Variants in SYT1 observed in about 807,000 individuals in gnomAD.
SYT1 encodes synaptotagmin-1.
Under a neutral mutation model 44.8 loss-of-function variants are expected in SYT1, and 8 were observed. The ratio of observed to expected loss-of-function variants is 0.18; its 90% CI spans 0.10 to 0.32. The LOEUF (loss-of-function observed/expected upper bound fraction) is 0.32, where lower values mean the gene tolerates loss of function less well. SYT1 is among the 10% of genes least tolerant of loss of function. The pLI is 1.00. For missense variants in SYT1, 286 were observed against 509.3 expected (o/e 0.56, Z 4.22); for synonymous variants, 154 against 188.8 (o/e 0.82, Z 1.51).
chr12:79,264,178 A>G (rs981232713), intron 4 of SYT1, among the ~76,000 whole-genome samples: 8 of 151,188 alleles, frequency 5.3e-5, no homozygotes, highest in South Asian at 2.1e-4. Flanking sequence ...TAATAAGCCC[A>G]GCAACTTTTT....
At chr12:79,015,159 T>A (rs1428977662) in intron 2 of SYT1, among the ~76,000 whole-genome samples, 1 of 151,948 alleles carries the variant, frequency 6.6e-6, no homozygotes, top group Non-Finnish European at 1.5e-5. Flanking sequence ...CATGTATACA[T>A]ATGTAACTAA....
At chr12:78,894,831 A>G (rs950214486) in intron 1 of SYT1, among the ~76,000 whole-genome samples, 3 of 151,248 alleles carry the variant, frequency 2.0e-5, no homozygotes, top group Non-Finnish European at 4.4e-5. Flanking sequence ...GAGTAAGTTT[A>G]AGAGACCTAT....
In SYT1 at chr12:79,292,148, G is replaced by A; in HGVS notation, c.474+18G>A. On this transcript the variant is annotated intron_variant, in intron 6 of 10. Coordinates refer to ENST00000261205, the MANE Select transcript of SYT1 (RefSeq NM_005639.3). Reference sequence around the variant, plus strand: ...ATAACCAGGTCTGAAGTGGAGAAATGTCTTCTAATTCCATTACATTTTCTG... The same window carrying A: ...ATAACCAGGTCTGAAGTGGAGAAATATCTTCTAATTCCATTACATTTTCTG... The A allele has an allele frequency of 6.2e-7, 1 of 1,607,064 alleles. No individual in the cohort carries two copies. Among genetic ancestry groups the A allele is most frequent in the East Asian group, 2.2e-5 (1 of 44,804 alleles).
chr12:78,905,901 T>C (rs1168295202), intron 1 of SYT1, among the ~76,000 whole-genome samples: 18 of 151,920 alleles, frequency 1.2e-4, no homozygotes. Flanking sequence ...ATCAAGGAAG[T>C]TTTTTCCCCC....
chr12:79,235,317 T>A (rs1450467651), intron 4 of SYT1, among the ~76,000 whole-genome samples: 1 of 152,136 alleles, frequency 6.6e-6, no homozygotes, highest in Non-Finnish European at 1.5e-5. Flanking sequence ...ATAGAATATA[T>A]CATTGTGGTT....
intron 1 of SYT1, among the ~76,000 whole-genome samples, chr12:78,900,193 G>T (rs980722489): frequency 2.0e-5 from 3 of 151,946 alleles, no homozygotes; most frequent in African/African-American, 7.2e-5. Context: ...AAATACTGAG[G>T]TGATGTTTAT....
Position 79,416,261 on chromosome 12 carries a change from C to T in SYT1, c.929-27812C>T, listed in dbSNP as rs1010519244. On this transcript the variant is annotated intron_variant, in intron 9 of 10. Coordinates refer to ENST00000261205, the MANE Select transcript of SYT1 (RefSeq NM_005639.3). ...AGAAACGGTGTCACAGTCACATGAT[C>T]ACAGTCATATGATCATGAAACAAAA... Among the ~76,000 whole-genome samples the T allele has an allele frequency of 4.7e-4, 71 of 152,278 alleles. 1 individual carries two copies. Among genetic ancestry groups the T allele is most frequent in the African/African-American group, 1.7e-3 (70 of 41,558 alleles).
chr12:78,883,091 T>C (rs143083568), intron 1 of SYT1, among the ~76,000 whole-genome samples: 1 of 151,874 alleles, frequency 6.6e-6, no homozygotes, highest in East Asian at 1.9e-4. Flanking sequence ...AGAATAACTA[T>C]GTCAAAAAAT....
At chr12:79,409,587 A>G (rs1439036481) in intron 9 of SYT1, among the ~76,000 whole-genome samples, 1 of 152,144 alleles carries the variant, frequency 6.6e-6, no homozygotes, top group Non-Finnish European at 1.5e-5. Flanking sequence ...AATTTCCAGA[A>G]CAGCCTTATT....
chr12:79,360,891 G>T (rs570785581), intron 9 of SYT1, among the ~76,000 whole-genome samples: 1 of 152,188 alleles, frequency 6.6e-6, no homozygotes, highest in African/African-American at 2.4e-5. Flanking sequence ...GCCAAGCCCG[G>T]TACAAGTTGG....
intron 1 of SYT1, among the ~76,000 whole-genome samples, chr12:78,955,800 T>TTGTG (rs60111282): frequency 0.065 from 9,000 of 138,626 alleles, 303 homozygotes; most frequent in South Asian, 0.096. Context: ...GCCAAGATAT[T>TTGTG]TGTGTGTGTG....
intron 8 of SYT1, among the ~76,000 whole-genome samples, chr12:79,350,291 C>G (rs936435608): frequency 7.5e-6 from 1 of 133,094 alleles, no homozygotes; most frequent in Non-Finnish European, 1.5e-5. Context: ...CTCGCTCTGT[C>G]GCCCAGGCTG....
At chr12:79,198,155 A>G (rs552746346) in intron 3 of SYT1, among the ~76,000 whole-genome samples, 1 of 152,262 alleles carries the variant, frequency 6.6e-6, no homozygotes, top group East Asian at 1.9e-4. Flanking sequence ...GGGAAAACAA[A>G]TTGATATTCT....
chr12:79,406,078 G>A (rs779994260), intron 9 of SYT1, among the ~76,000 whole-genome samples: 1 of 152,132 alleles, frequency 6.6e-6, no homozygotes, highest in Non-Finnish European at 1.5e-5. Context: ...AGGAGAAAGG[G>A]AGTCAGTAAG....
At chr12:79,178,968 ATATATAGATATAGATATATC>A (rs1872106220) in intron 3 of SYT1, among the ~76,000 whole-genome samples, 3 of 27,790 alleles carry the variant, frequency 1.1e-4, no homozygotes, top group African/African-American at 5.0e-4. Flanking sequence ...ATAGATATAG[ATATATAGATATAGATATATC>A]TATATAGATA....
chr12:78,924,499 G>A (rs958107281), intron 1 of SYT1, among the ~76,000 whole-genome samples: 7 of 150,714 alleles, frequency 4.6e-5, no homozygotes, highest in Non-Finnish European at 7.4e-5. Flanking sequence ...TTTATTAGTC[G>A]AGTTTCCACC....
chr12:79,105,887 G>GA (rs548347157), intron 3 of SYT1, among the ~76,000 whole-genome samples: 1,854 of 96,394 alleles, frequency 0.019, 12 homozygotes, highest in African/African-American at 0.036. Context: ...CTCAAGAAAA[G>GA]AAAAAAAAAA....
At chr12:79,218,130 T>A (rs1372466060) in intron 4 of SYT1, among the ~76,000 whole-genome samples, 1 of 152,180 alleles carries the variant, frequency 6.6e-6, no homozygotes, top group East Asian at 1.9e-4. Context: ...AAAATCTTAT[T>A]GTTATTTTTT....
At position 79,273,812 on chromosome 12, in the gene SYT1, G is replaced by A. The variant is rs539812541; in HGVS notation, c.167-11975G>A. Among the ~76,000 whole-genome samples, 16 of 152,342 alleles carry A rather than the reference G, an allele frequency of 1.1e-4. 1 individual carries two copies. The highest frequency in any genetic ancestry group is 1.0e-3 in the South Asian group (5 of 4,832). On this transcript the variant is annotated intron_variant, in intron 4 of 10. Coordinates refer to ENST00000261205, the MANE Select transcript of SYT1 (RefSeq NM_005639.3). ...CAGAAACTCCCAACTGTGGTGGGGC[G>A]TGATGGCTCACGCCTGTAATCCCAG...
Sources: allele counts gnomAD v4.1 joint callset (sites outside exome capture counted in the v4.1 genomes callset), GRCh38; gene constraint gnomAD v4.1.1; transcripts MANE v1.5; gene names NCBI Gene and HGNC (gene_info 2026-07-23, HGNC 2026-07-21).